SEMA6A: variants seen among roughly 807,000 people sequenced by gnomAD.
SEMA6A encodes the protein semaphorin-6A.
SEMA6A carries 25 observed loss-of-function variants against 96.8 expected under a neutral mutation model. The ratio of observed to expected loss-of-function variants is 0.26; its 90% CI spans 0.19 to 0.36. The LOEUF (loss-of-function observed/expected upper bound fraction) is 0.36, where lower values mean the gene tolerates loss of function less well. Among genes scored for constraint, SEMA6A ranks in the 10% least tolerant of loss-of-function variants. SEMA6A has a pLI of 1.00. For missense variants in SEMA6A, 1,363 were observed against 1,323.1 expected (o/e 1.03, Z -0.47); for synonymous variants, 612 against 518.0 (o/e 1.18, Z -2.46).
intron 1 of SEMA6A, among the ~76,000 whole-genome samples, chr5:116,540,629 T>A (rs1194510397): frequency 6.6e-6 from 1 of 152,210 alleles, no homozygotes; most frequent in African/African-American, 2.4e-5. Flanking sequence ...TGGCCCCACA[T>A]GTCCCTGTTT....
At chr5:116,489,533 TGA>T in intron 7 of SEMA6A, among the ~76,000 whole-genome samples, 1 of 152,362 alleles carries the variant, frequency 6.6e-6, no homozygotes, top group South Asian at 2.1e-4. Context: ...GCTACTGTCC[TGA>T]GAGTAACAGC....
intron 11 of SEMA6A, 142 bp downstream of exon 11, chr5:116,482,302 G>C: frequency 1.3e-6 from 1 of 777,064 alleles, no homozygotes; most frequent in Non-Finnish European, 2.1e-6. Flanking sequence ...AGGTAACTTT[G>C]GGTTTTGGTT....
chr5:116,503,108 C>A (rs1037578705), intron 2 of SEMA6A, among the ~76,000 whole-genome samples: 4 of 152,180 alleles, frequency 2.6e-5, no homozygotes, highest in Non-Finnish European at 4.4e-5. Flanking sequence ...TACATCTCAA[C>A]ATCTCTGCCT....
chr5:116,512,715 G>A lies in SEMA6A; in HGVS notation c.-38-7733C>T, dbSNP rs149702919. Among the ~76,000 whole-genome samples, 389 of 142,330 alleles carry A rather than the reference G, an allele frequency of 2.7e-3. 1 individual carries two copies. Among genetic ancestry groups the A allele is most frequent in the African/African-American group, 9.5e-3 (370 of 38,990 alleles). The allele number at this position is 142,330 out of a possible 152,430, so 93.4% of individuals were successfully genotyped here. ...CCACCACCCCCACCCCAAACACACA[G>A]CCCTGAGCCAATGCAGTTTACTTGG... On this transcript the variant is annotated intron_variant, in intron 1 of 18. Transcript: ENST00000343348.
At chr5:116,528,908 C>G (rs1254780528) in intron 1 of SEMA6A, among the ~76,000 whole-genome samples, 1 of 152,156 alleles carries the variant, frequency 6.6e-6, no homozygotes, top group Non-Finnish European at 1.5e-5. Flanking sequence ...TAATGCCTGA[C>G]CCTGTGTCAC....
chr5:116,480,392 G>T lies in SEMA6A; in HGVS notation c.1095-115C>A, dbSNP rs935234936. ...AATGGAGGAGAATGTACTGCAGCCT[G>T]AGAGGAGGAAGTTGAACAATGCAGA... On this transcript the variant is annotated intron_variant, in intron 11 of 18. Coordinates refer to ENST00000343348, the MANE Select transcript of SEMA6A (RefSeq NM_020796.5). The T allele has an allele frequency of 6.3e-6, 8 of 1,269,696 alleles. No homozygotes were observed. The African/African-American group carries it at 1.2e-4, about 19-fold the overall frequency. 78.7% of individuals were successfully genotyped at this position (1,269,696 alleles called of 1,614,324 possible). A position where few individuals can be genotyped will look rare whatever the true frequency, so the allele number is the denominator to read the frequency against.
intron 15 of SEMA6A, 112 bp downstream of exon 15, chr5:116,477,734 G>A: frequency 7.7e-6 from 8 of 1,045,280 alleles, no homozygotes; most frequent in South Asian, 2.7e-5. Flanking sequence ...CCCGTTGCTG[G>A]AGTTTGCACA....
chr5:116,563,052 C>G (rs1760884049), intron 1 of SEMA6A: 4 of 426,460 alleles, frequency 9.4e-6, no homozygotes, highest in South Asian at 7.6e-5. Flanking sequence ...TTAATAAATT[C>G]CCTTCATGAA....
At chr5:116,475,787 T>C (rs1046777216) in intron 15 of SEMA6A, among the ~76,000 whole-genome samples, 184 bp from the exon 16 acceptor site, 4 of 152,190 alleles carry the variant, frequency 2.6e-5, no homozygotes, top group Non-Finnish European at 5.9e-5. Flanking sequence ...CTTAGGTGAC[T>C]CTCCAAAGAG....
chr5:116,563,936 G>A (rs796770265), intron 1 of SEMA6A, among the ~76,000 whole-genome samples: 11 of 152,334 alleles, frequency 7.2e-5, no homozygotes, highest in African/African-American at 2.6e-4. Flanking sequence ...GAAGGGCTGG[G>A]AGATAATTGA....
chr5:116,556,951 T>C (rs1178909166), intron 1 of SEMA6A, among the ~76,000 whole-genome samples: 1 of 152,214 alleles, frequency 6.6e-6, no homozygotes, highest in African/African-American at 2.4e-5. Context: ...CTCTCCCCAC[T>C]TTCTGCAGAC....
intron 3 of SEMA6A, among the ~76,000 whole-genome samples, chr5:116,501,214 A>G (rs529720393): frequency 6.6e-6 from 1 of 152,338 alleles, no homozygotes; most frequent in South Asian, 2.1e-4. Context: ...AATCAAATAC[A>G]ACATCTCATT....
intron 2 of SEMA6A, chr5:116,502,610 C>T (rs1300461164): frequency 8.9e-6 from 3 of 335,774 alleles, no homozygotes; most frequent in East Asian, 5.9e-5. Context: ...GGGCTCAACT[C>T]GCTAGTGAAC....
chr5:116,525,661 A>C (rs1759189563), intron 1 of SEMA6A, among the ~76,000 whole-genome samples: 1 of 152,172 alleles, frequency 6.6e-6, no homozygotes, highest in African/African-American at 2.4e-5. Flanking sequence ...GTTTAACCAA[A>C]ATTTTGTGGA....
intron 7 of SEMA6A, among the ~76,000 whole-genome samples, 171 bp downstream of exon 7, chr5:116,491,569 T>G (rs1215969933): frequency 6.6e-6 from 1 of 152,098 alleles, no homozygotes; most frequent in African/African-American, 2.4e-5. Context: ...AGCAAAGACT[T>G]GCAAAAGTAC....
chr5:116,557,597 A>T (rs1339821004), intron 1 of SEMA6A, among the ~76,000 whole-genome samples: 1 of 152,252 alleles, frequency 6.6e-6, no homozygotes, highest in Non-Finnish European at 1.5e-5. Flanking sequence ...ATAAAAGTGA[A>T]GTTAATTGGT....
intron 1 of SEMA6A, among the ~76,000 whole-genome samples, chr5:116,524,243 C>T (rs972821702): frequency 5.9e-5 from 9 of 152,146 alleles, no homozygotes; most frequent in Admixed American, 1.3e-4. Context: ...ACGAGGAAGC[C>T]TATCTCCCAG....
At chr5:116,529,179 C>T (rs61261004) in intron 1 of SEMA6A, among the ~76,000 whole-genome samples, 12,024 of 152,094 alleles carry the variant, frequency 0.079, 1,405 homozygotes, top group African/African-American at 0.25. Context: ...ATATTCCAAC[C>T]AGTTATTTTA....
intron 1 of SEMA6A, among the ~76,000 whole-genome samples, chr5:116,549,328 C>T (rs1348700943): frequency 6.6e-6 from 1 of 152,132 alleles, no homozygotes; most frequent in Non-Finnish European, 1.5e-5. Context: ...AGAACAGAAG[C>T]ACTGAAGCCT....
Sources: gnomAD v4.1 joint callset for allele counts (sites outside exome capture counted in the v4.1 genomes callset) on GRCh38, gnomAD v4.1.1 for gene constraint, MANE v1.5 for transcripts, NCBI Gene and HGNC (gene_info 2026-07-23, HGNC 2026-07-21) for gene names.